The following POM121 variants were observed in gnomAD, a reference collection of about 807,000 sequenced individuals.
POM121 encodes nuclear envelope pore membrane protein POM 121.
A neutral mutation model predicts 81.3 loss-of-function variants in POM121; 32 were observed. The observed-to-expected ratio is 0.39, with a 90% CI of 0.30 to 0.53. The LOEUF is 0.53. Ranked by LOEUF, POM121 falls within the 20% of genes least tolerant of loss-of-function variation. POM121 has a pLI of 0.66. For synonymous variants in POM121, 514 were observed against 694.2 expected (o/e 0.74, Z 4.08); for missense variants, 1,138 against 1,614.6 (o/e 0.70, Z 5.06).
intron 5 of POM121, among the ~76,000 whole-genome samples, chr7:72,935,813 T>C (rs1796455888): frequency 6.6e-6 from 1 of 152,064 alleles, no homozygotes; most frequent in Non-Finnish European, 1.5e-5. Flanking sequence ...AGTGCCTTCA[T>C]ATATGCTATT....
intron 4 of POM121, among the ~76,000 whole-genome samples, chr7:72,918,867 G>A (rs1318083042): frequency 1.3e-5 from 2 of 151,912 alleles, no homozygotes; most frequent in Non-Finnish European, 2.9e-5. Flanking sequence ...GCGCGATCTC[G>A]GCTCACTGCA....
intron 3 of POM121, among the ~76,000 whole-genome samples, chr7:72,896,431 G>A (rs1323546883): frequency 2.0e-5 from 3 of 146,386 alleles, no homozygotes; most frequent in Non-Finnish European, 4.5e-5. Context: ...GGCTGCAGTG[G>A]GCTGTGATAG....
Position 72,943,123 on chromosome 7 carries a change from G to T in POM121, c.3130G>T (p.Ala1044Ser). 5.6e-6 allele frequency: 9 copies of T among 1,613,252 alleles called. No homozygotes were observed. The highest frequency in any genetic ancestry group is 7.6e-6 in the Non-Finnish European group (9 of 1,179,684). Residue 1044 changes from alanine to serine, a missense_variant, in exon 11 of 13, where the codon GCT becomes TCT. Coordinates refer to ENST00000434423, the MANE Select transcript of POM121 (RefSeq NM_001387691.1). Reference sequence around the variant, plus strand: ...CTCGGCGTTTGGGTTGAAAGCCACGGCTTCGGCCTTCGGCGCTCCCGCCAG... The same window carrying T: ...CTCGGCGTTTGGGTTGAAAGCCACGTCTTCGGCCTTCGGCGCTCCCGCCAG... ...THSAFGLKATASAFGAPASSQ... is the reference protein window; with the variant it reads ...THSAFGLKATSSAFGAPASSQ...
intron 1 of POM121, among the ~76,000 whole-genome samples, chr7:72,882,938 A>G (rs1254338100): frequency 6.6e-6 from 1 of 152,136 alleles, no homozygotes; most frequent in Admixed American, 6.5e-5. Flanking sequence ...GTTACTTCCA[A>G]ACTGATATTT....
intron 4 of POM121, among the ~76,000 whole-genome samples, chr7:72,917,523 A>T (rs1794396584): frequency 6.6e-6 from 1 of 152,120 alleles, no homozygotes; most frequent in Admixed American, 6.6e-5. Context: ...GCTTTCCCAG[A>T]GGAATTCTCC....
chr7:72,921,838 C>T (rs2129577272), upstream of POM121, among the ~76,000 whole-genome samples: 1 of 152,264 alleles, frequency 6.6e-6, no homozygotes, highest in Non-Finnish European at 1.5e-5. Context: ...TTTGCCCATC[C>T]TTGTGTTGAT....
chr7:72,943,047 G>A lies in POM121; in HGVS notation c.3054G>A (p.Val1018=). ...CACCTCCGTCCATGATCAAGGTCGT[G>A]CCTGCGTACGTGCCTACGCCCATCC... The part of the protein sequence containing the change: ...TPAPPSMIKV[V]PAYVPTPIHP... Residue 1018 remains valine (V), a synonymous_variant, in exon 11 of 13, where the codon GTG becomes GTA. Transcript: ENST00000434423. 6.2e-7 allele frequency: 1 copy of A among 1,613,904 alleles called. No individual in the cohort carries two copies. The highest frequency in any genetic ancestry group is 8.5e-7 in the Non-Finnish European group (1 of 1,179,882).
chr7:72,889,100 T>C (rs1554490488), intron 1 of POM121, among the ~76,000 whole-genome samples: 1 of 152,226 alleles, frequency 6.6e-6, no homozygotes. Flanking sequence ...GGTATTGACA[T>C]GTAATTTTAT....
intron 4 of POM121, among the ~76,000 whole-genome samples, chr7:72,929,559 A>G (rs1554498169): frequency 1.3e-5 from 2 of 152,156 alleles, no homozygotes; most frequent in African/African-American, 4.8e-5. Context: ...AGCATGTGAC[A>G]TTTTGACACA....
intron 1 of POM121, among the ~76,000 whole-genome samples, chr7:72,880,739 C>T (rs1368593373): frequency 6.7e-6 from 1 of 149,550 alleles, no homozygotes; most frequent in Non-Finnish European, 1.5e-5. Flanking sequence ...ATACAAAAGT[C>T]GCCAGGCATG....
chr7:72,928,121 G>T (rs1405040932), intron 3 of POM121, among the ~76,000 whole-genome samples: 1 of 152,060 alleles, frequency 6.6e-6, no homozygotes, highest in Admixed American at 6.5e-5. Flanking sequence ...CAGGAGAATC[G>T]CTTGAACCCA....
At position 72,938,619 on chromosome 7, in the gene POM121, A is replaced by G; in HGVS notation, c.1305A>G (p.Ser435=). ...GGAAGAGAAATGGCCCCAGTTCATCACCCTTCTCTAGCCCAGCCTCCTCCC... is the reference window on the plus strand; with the variant it reads ...GGAAGAGAAATGGCCCCAGTTCATCGCCCTTCTCTAGCCCAGCCTCCTCCC... ...QLWKRNGPSS[S]PFSSPASSRS... The change falls in exon 6 of 13, where the codon TCA becomes TCG. Residue 435 remains serine, a synonymous_variant. Transcript: ENST00000434423. 6.2e-7 allele frequency: 1 copy of G among 1,613,760 alleles called. No individual in the cohort carries two copies. The highest frequency in any genetic ancestry group is 8.5e-7 in the Non-Finnish European group (1 of 1,179,766).
At chr7:72,926,720 C>T in intron 2 of POM121, 82 bp from the exon 3 acceptor site, 2 of 1,549,510 alleles carry the variant, frequency 1.3e-6, no homozygotes, top group Non-Finnish European at 1.7e-6. Context: ...TGGTTAGCTT[C>T]TGATTTCTTG....
downstream of POM121, chr7:72,948,421 G>A (rs782794263): frequency 2.1e-5 from 34 of 1,613,234 alleles, no homozygotes; most frequent in South Asian, 3.5e-4. Flanking sequence ...AGGGCCCAGG[G>A]TCTTCCACGG....
At chr7:72,883,652 A>G (rs1790389011) in intron 1 of POM121, among the ~76,000 whole-genome samples, 1 of 151,728 alleles carries the variant, frequency 6.6e-6, no homozygotes, top group Non-Finnish European at 1.5e-5. Context: ...TTTTAAAAAT[A>G]TCTTGTATGC....
At position 72,945,776 on chromosome 7, in the gene POM121, C is replaced by T. The variant is rs546973313; in HGVS notation, c.3652+68C>T. The stretch of plus-strand genomic sequence containing the variant: ...GAGGGGTTGGGCGGGGTGGCAGGTT[C>T]CTGGTCCTCTGAGGCCCGGTGAAGA... On this transcript the variant is annotated intron_variant, in intron 12 of 12. Transcript: ENST00000434423. The T allele has an allele frequency of 1.2e-5, 18 of 1,548,868 alleles. No individual in the cohort carries two copies. In the East Asian group the frequency reaches 4.0e-4, roughly 34 times the overall value.
chr7:72,916,913 G>C (rs1291472606), intron 4 of POM121, among the ~76,000 whole-genome samples: 1 of 152,144 alleles, frequency 6.6e-6, no homozygotes, highest in Non-Finnish European at 1.5e-5. Flanking sequence ...GTTTTTGTCT[G>C]CTAAGTCCAA....
intron 4 of POM121, among the ~76,000 whole-genome samples, chr7:72,928,825 T>G (rs1250006249): frequency 4.6e-5 from 7 of 152,116 alleles, no homozygotes; most frequent in Non-Finnish European, 1.0e-4. Flanking sequence ...GAGGAAGAAT[T>G]GGGTGGAAAG....
intron 11 of POM121, 114 bp downstream of exon 11, chr7:72,943,636 T>G: frequency 6.9e-7 from 1 of 1,454,672 alleles, no homozygotes; most frequent in Non-Finnish European, 9.1e-7. Context: ...GCACTGAATA[T>G]AGAACTCAGT....
Sources: allele counts gnomAD v4.1 joint callset (sites outside exome capture counted in the v4.1 genomes callset), GRCh38; gene constraint gnomAD v4.1.1; transcripts MANE v1.5; gene names NCBI Gene and HGNC (gene_info 2026-07-23, HGNC 2026-07-21).